The following CARM1 variants were observed in gnomAD, a reference collection of about 807,000 sequenced individuals.
CARM1 encodes coactivator associated arginine methyltransferase 1.
CARM1 carries 14 observed loss-of-function variants against 72.7 expected under a neutral mutation model. The ratio of observed to expected loss-of-function variants is 0.19; its 90% CI spans 0.13 to 0.30. The LOEUF is 0.30. CARM1 is among the 10% of genes least tolerant of loss of function. The pLI, the probability that CARM1 is intolerant of heterozygous loss-of-function variation, is 1.00. For missense variants in CARM1, 432 were observed against 833.7 expected, an observed-to-expected ratio of 0.52 and a Z score of 5.93; for synonymous variants, 333 against 345.5, an observed-to-expected ratio of 0.96 and a Z score of 0.40.
At chr19:10,883,537 G>A (rs570857909) in intron 1 of CARM1, among the ~76,000 whole-genome samples, 29 of 152,292 alleles carry the variant, frequency 1.9e-4, no homozygotes, top group African/African-American at 6.5e-4. Flanking sequence ...GAAAGTCCAC[G>A]GTGCCGGCCC....
chr19:10,918,900 G>C (rs1169147760), intron 8 of CARM1: 1 of 152,214 alleles, frequency 6.6e-6, no homozygotes, highest in African/African-American at 2.4e-5. Context: ...CCAACAACTG[G>C]TTTATTCTTT....
intron 6 of CARM1, 84 bp downstream of exon 6, chr19:10,914,138 C>T: frequency 7.4e-7 from 1 of 1,351,092 alleles, no homozygotes; most frequent in Non-Finnish European, 1.0e-6. Context: ...CTTCAGCTCC[C>T]TGCTTACTGT....
chr19:10,920,828 C>T lies in CARM1; in HGVS notation c.1425-6C>T, dbSNP rs376066368. The T allele has an allele frequency of 6.2e-7, 1 of 1,614,028 alleles. No homozygotes were observed. On this transcript the variant is annotated splice_polypyrimidine_tract_variant and splice_region_variant and intron_variant, in intron 12 of 15. Coordinates refer to ENST00000327064, the MANE Select transcript of CARM1 (RefSeq NM_199141.2). The surrounding 1 kb of genome is among the most constrained non-coding windows in gnomAD (Gnocchi z 5.3). Reference sequence around the variant, plus strand: ...GCCCCTGCCCATGGCTCTGTCTCTGCCATAGATACACGGGCACAACGCCCT... The same window carrying T: ...GCCCCTGCCCATGGCTCTGTCTCTGTCATAGATACACGGGCACAACGCCCT...
At chr19:10,883,347 C>G (rs79403945) in intron 1 of CARM1, among the ~76,000 whole-genome samples, 5,791 of 152,148 alleles carry the variant, frequency 0.038, 443 homozygotes, top group East Asian at 0.35. Flanking sequence ...AAGACCCCCT[C>G]GTCCCCAGTG....
chr19:10,921,507 G>A lies in CARM1; in HGVS notation c.1684+64G>A. On this transcript the variant is annotated intron_variant, in intron 15 of 15. Transcript: ENST00000327064. ...GCTAGCGTGTGAGTCGCCATCCTCT[G>A]TCCGGCCGCCCGCCTGCCCTCTTGC... 1.3e-5 allele frequency: 20 copies of A among 1,570,194 alleles called. 1 individual carries two copies. In the South Asian group the frequency reaches 2.2e-4, roughly 17 times the overall value.
intron 1 of CARM1, among the ~76,000 whole-genome samples, chr19:10,886,554 G>A (rs746353861): frequency 4.5e-4 from 68 of 151,000 alleles, no homozygotes; most frequent in Non-Finnish European, 7.8e-4. Context: ...GGGGCTGGGT[G>A]CGGTGGCTCA....
chr19:10,873,176 C>T (rs1295334796), intron 1 of CARM1, among the ~76,000 whole-genome samples: 1 of 152,150 alleles, frequency 6.6e-6, no homozygotes, highest in East Asian at 1.9e-4. Context: ...AACCTATTCA[C>T]TGGGCAAGCA....
rs2073995333 is a variant in CARM1, at chr19:10,892,503, GGAC to G, written c.221-12444_221-12442del. ...AACAGCTGCTCCAGAGCTTCTCCGA[GGAC>G]GACATCGGAGGATCCGACTCAGGTT... On this transcript the variant is annotated intron_variant, in intron 1 of 15. Transcript: ENST00000327064. Among the ~76,000 whole-genome samples, 7 of 152,344 alleles carry G rather than the reference GGAC, an allele frequency of 4.6e-5. No individual in the cohort carries two copies. The South Asian group carries it at 1.4e-3, about 32-fold the overall frequency.
rs1231585631 is a variant in CARM1 at position 10,905,086 on chromosome 19, C to T, written c.346+10C>T. ...TTCGCCACACCCAACGGTACGTGGC[C>T]CTCCTTCCATTCCGGTGACACCAGC... On this transcript the variant is annotated intron_variant, in intron 2 of 15. Transcript: ENST00000327064. 3 of 1,612,462 alleles carry T rather than the reference C, an allele frequency of 1.9e-6. No individual in the cohort carries two copies. The highest frequency in any genetic ancestry group is 2.2e-5 in the East Asian group (1 of 44,866).
At chr19:10,899,140 C>T (rs540210493) in intron 1 of CARM1, among the ~76,000 whole-genome samples, 6 of 151,804 alleles carry the variant, frequency 4.0e-5, no homozygotes, top group African/African-American at 1.2e-4. Flanking sequence ...GCCGGCTCCG[C>T]GGGCTTTAGC....
chr19:10,910,780 G>T (rs1316487755), intron 4 of CARM1, among the ~76,000 whole-genome samples: 1 of 151,846 alleles, frequency 6.6e-6, no homozygotes, highest in African/African-American at 2.4e-5. Context: ...TGGCCAGGAT[G>T]GTCTAGATCT....
rs1265519218 is a variant in CARM1 at position 10,915,315 on chromosome 19, A to G, written c.848-1092A>G. ...GCCCCAGCAGAGAGGGCCCCTCCCG[A>G]TGGGACATGAAGCCAGATGGCAGTC... On this transcript the variant is annotated intron_variant, in intron 6 of 15. Transcript: ENST00000327064. This position sits in a 1 kb window ranked among gnomAD's most constrained non-coding sequence, Gnocchi z 4.6. 6.6e-6 allele frequency among the ~76,000 whole-genome samples: 1 copy of G among 152,054 alleles called. No individual in the cohort carries two copies. The highest frequency in any genetic ancestry group is 2.4e-5 in the African/African-American group (1 of 41,402).
intron 2 of CARM1, 35 bp from the exon 3 acceptor site, chr19:10,908,004 G>A (rs1182208649): frequency 7.0e-7 from 1 of 1,425,794 alleles, no homozygotes; most frequent in Non-Finnish European, 9.9e-7. Flanking sequence ...CTGGGTTGCT[G>A]ACCGCCCCCC....
In CARM1 at chr19:10,871,561, G is replaced by T. The variant is rs1237963666; in HGVS notation, c.-142G>T. On this transcript the variant is annotated 5_prime_UTR_variant, in exon 1 of 16. Coordinates refer to ENST00000327064, the MANE Select transcript of CARM1 (RefSeq NM_199141.2). This position sits in a 1 kb window ranked among gnomAD's most constrained non-coding sequence, Gnocchi z 5.6. ...GCGCTGCCCGGCTCGGCCTCGGCCTGCACGGCGGCTGCGGCGGCGGTAGCG... is the reference window on the plus strand; with the variant it reads ...GCGCTGCCCGGCTCGGCCTCGGCCTTCACGGCGGCTGCGGCGGCGGTAGCG... 2 of 141,404 alleles carry T rather than the reference G, an allele frequency of 1.4e-5. No individual in the cohort carries two copies. Among genetic ancestry groups the T allele is most frequent in the Non-Finnish European group, 3.1e-5 (2 of 64,900 alleles). 8.8% of individuals were successfully genotyped at this position (141,404 alleles called of 1,614,324 possible).
chr19:10,916,549 G>A lies in CARM1; in HGVS notation c.938+52G>A. The A allele has an allele frequency of 1.4e-6, 2 of 1,478,424 alleles. No individual in the cohort carries two copies. The highest frequency in any genetic ancestry group is 1.9e-6 in the Non-Finnish European group (2 of 1,058,980). The allele number at this position is 1,478,424 out of a possible 1,614,324, so 91.6% of individuals were successfully genotyped here. On this transcript the variant is annotated intron_variant, in intron 7 of 15. Transcript: ENST00000327064. This position sits in a 1 kb window ranked among gnomAD's most constrained non-coding sequence, Gnocchi z 4.4. ...GGGCCCCACAGCCTGCCTTCTCAGG[G>A]ACAGCCCCAGCTCCCCAGAGAGCCT...
At chr19:10,886,112 G>T (rs1215576075) in intron 1 of CARM1, among the ~76,000 whole-genome samples, 6 of 147,620 alleles carry the variant, frequency 4.1e-5, no homozygotes, top group African/African-American at 1.5e-4. Flanking sequence ...GCTGGAGTGC[G>T]ATGGTGTGAT....
At chr19:10,907,990 C>T (rs1372859389) in intron 2 of CARM1, 49 bp from the exon 3 acceptor site, 2 of 1,180,996 alleles carry the variant, frequency 1.7e-6, no homozygotes, top group Non-Finnish European at 2.5e-6. Flanking sequence ...CAGATGGCCA[C>T]ATGCTGGGTT....
intron 1 of CARM1, among the ~76,000 whole-genome samples, chr19:10,895,907 G>A (rs1373387677): frequency 1.2e-4 from 19 of 152,172 alleles, no homozygotes; most frequent in Admixed American, 1.2e-3. Flanking sequence ...GGGGAAGAGG[G>A]GAGGGTGATC....
At chr19:10,873,633 T>G (rs1485569661) in intron 1 of CARM1, among the ~76,000 whole-genome samples, 3 of 114,654 alleles carry the variant, frequency 2.6e-5, no homozygotes, top group Non-Finnish European at 3.7e-5. Flanking sequence ...AGTTTTTTTT[T>G]TTTTTTTTTT....
Sources: allele counts gnomAD v4.1 joint callset (sites outside exome capture counted in the v4.1 genomes callset), GRCh38; gene constraint gnomAD v4.1.1; non-coding constraint Gnocchi (gnomAD v3.1); transcripts MANE v1.5; gene names NCBI Gene and HGNC (gene_info 2026-07-23, HGNC 2026-07-21).